Variants in CAMTA1 observed in about 807,000 individuals in gnomAD.
CAMTA1 encodes the protein calmodulin binding transcription activator 1, also known as calmodulin-binding transcription activator 1.
Under a neutral mutation model 170.9 loss-of-function variants are expected in CAMTA1, and 27 were observed. That is an observed-to-expected ratio of 0.16 (90% CI 0.12 to 0.22). The LOEUF (loss-of-function observed/expected upper bound fraction) is 0.22. Among genes scored for constraint, CAMTA1 ranks in the 10% least tolerant of loss-of-function variants. The probability of loss-of-function intolerance (pLI) is 1.00; values close to 1 mark genes in which losing one functional copy is unlikely to be tolerated. For missense variants in CAMTA1, 1,619 were observed against 2,217.2 expected (o/e 0.73, Z 5.42); for synonymous variants, 833 against 891.5 (o/e 0.93, Z 1.17).
In CAMTA1 at chr1:7,455,520, C is replaced by T. The variant is rs2092929339; in HGVS notation, c.439-12310C>T. On this transcript the variant is annotated intron_variant, in intron 5 of 22. Transcript: ENST00000303635. The surrounding 1 kb of genome is among the most constrained non-coding windows in gnomAD (Gnocchi z 5.0). ...CAGCTCAGCCTTGCATTAACATAGCCACAGACCGGCCCGGCGTTTCCCTCC... is the reference window on the plus strand; with the variant it reads ...CAGCTCAGCCTTGCATTAACATAGCTACAGACCGGCCCGGCGTTTCCCTCC... Among the ~76,000 whole-genome samples, 1 of 152,214 alleles carries T rather than the reference C, an allele frequency of 6.6e-6. No homozygotes were observed. The highest frequency in any genetic ancestry group is 1.5e-5 in the Non-Finnish European group (1 of 68,042).
intron 5 of CAMTA1, among the ~76,000 whole-genome samples, chr1:7,345,429 T>C (rs1034841462): frequency 2.0e-5 from 3 of 152,256 alleles, no homozygotes; most frequent in Non-Finnish European, 4.4e-5. Context: ...TAACCAGTGC[T>C]GCCAACTCCT....
At chr1:7,390,860 G>A (rs1282790331) in intron 5 of CAMTA1, among the ~76,000 whole-genome samples, 1 of 152,228 alleles carries the variant, frequency 6.6e-6, no homozygotes, top group Non-Finnish European at 1.5e-5. Context: ...CTGGGGGCTG[G>A]ACTTGTTTAG....
At chr1:7,416,120 G>A (rs2091153262) in intron 5 of CAMTA1, among the ~76,000 whole-genome samples, 1 of 152,184 alleles carries the variant, frequency 6.6e-6, no homozygotes, top group South Asian at 2.1e-4. Flanking sequence ...AGTTTCTGCT[G>A]AGAGATCCGC....
At chr1:7,549,210 C>T (rs1181021560) in intron 6 of CAMTA1, among the ~76,000 whole-genome samples, 17 of 151,074 alleles carry the variant, frequency 1.1e-4, no homozygotes, top group Non-Finnish European at 2.2e-4. Context: ...GAGGGTGCCC[C>T]CTTAGGGGTG....
chr1:7,407,394 A>C (rs527510177), intron 5 of CAMTA1, among the ~76,000 whole-genome samples: 8 of 152,172 alleles, frequency 5.3e-5, no homozygotes, highest in African/African-American at 1.9e-4. Flanking sequence ...GTGTGACTGG[A>C]GGGTCTGGGA....
Position 7,663,790 on chromosome 1 carries a change from A to G in CAMTA1, c.1243A>G (p.Thr415Ala). The G allele has an allele frequency of 1.2e-6, 2 of 1,613,906 alleles. No individual in the cohort carries two copies. The highest frequency in any genetic ancestry group is 1.7e-6 in the Non-Finnish European group (2 of 1,179,982). The change falls in exon 9 of 23, where the codon ACC (threonine) becomes GCC (alanine). Residue 415 changes from threonine to alanine, a missense_variant. Coordinates refer to ENST00000303635, the MANE Select transcript of CAMTA1 (RefSeq NM_015215.4). ...TNEAVYTMSP[T>A]AGPNHHLLSP... ...TGAGGCCGTGTACACCATGTCCCCCACCGCTGGCCCCAACCACCACCTCCT... is the reference window on the plus strand; with the variant it reads ...TGAGGCCGTGTACACCATGTCCCCCGCCGCTGGCCCCAACCACCACCTCCT...
Position 7,766,756 on chromosome 1 carries a change from A to G in CAMTA1, c.*265A>G. On this transcript the variant is annotated 3_prime_UTR_variant, in exon 23 of 23. Transcript: ENST00000303635. ...TTGGAACTCAATCTTCTGTTGGATC[A>G]CGGGAAATCAAGACACCCAGGAGGA... The G allele has an allele frequency of 4.2e-6, 2 of 473,632 alleles. No homozygotes were observed. The highest frequency in any genetic ancestry group is 6.8e-5 in the South Asian group (2 of 29,614). 29.3% of individuals were successfully genotyped at this position (473,632 alleles called of 1,614,324 possible).
At chr1:6,801,626 A>G (rs1643855811) in intron 1 of CAMTA1, among the ~76,000 whole-genome samples, 1 of 152,238 alleles carries the variant, frequency 6.6e-6, no homozygotes, top group Non-Finnish European at 1.5e-5. Flanking sequence ...TGTATGCTCA[A>G]AAAGGGTTAA....
chr1:7,564,735 G>A (rs2095015390), intron 6 of CAMTA1, among the ~76,000 whole-genome samples: 1 of 152,130 alleles, frequency 6.6e-6, no homozygotes, highest in African/African-American at 2.4e-5. Context: ...TGAGGGCTCA[G>A]GGACTGGAAG....
intron 5 of CAMTA1, among the ~76,000 whole-genome samples, chr1:7,320,655 T>TG (rs561887979): frequency 0.23 from 32,717 of 144,308 alleles, 4,157 homozygotes; most frequent in Middle Eastern, 0.39. Flanking sequence ...GTGTGTTTTT[T>TG]TTTTTTTTTT....
chr1:7,124,666 C>T (rs769133171), intron 4 of CAMTA1, among the ~76,000 whole-genome samples: 2 of 152,208 alleles, frequency 1.3e-5, no homozygotes, highest in Admixed American at 6.5e-5. Flanking sequence ...CGTCAGGAAA[C>T]GTTAAGCAGA....
chr1:7,116,175 A>G (rs761351832), intron 4 of CAMTA1, among the ~76,000 whole-genome samples: 12 of 152,132 alleles, frequency 7.9e-5, no homozygotes, highest in Non-Finnish European at 1.2e-4. Context: ...CATGCCTTCA[A>G]CCACCATCTC....
chr1:7,193,282 T>A (rs1258225570), intron 4 of CAMTA1, among the ~76,000 whole-genome samples: 1 of 150,922 alleles, frequency 6.6e-6, no homozygotes, highest in East Asian at 2.0e-4. Flanking sequence ...GAACCAGGAG[T>A]TGGAGGCTGC....
intron 3 of CAMTA1, among the ~76,000 whole-genome samples, chr1:7,061,794 G>C (rs952427226): frequency 1.3e-5 from 2 of 152,186 alleles, no homozygotes; most frequent in African/African-American, 4.8e-5. Context: ...AGAGCAGGGG[G>C]TGGCGCTGGC....
At chr1:6,806,234 G>A (rs1644498301) in intron 1 of CAMTA1, among the ~76,000 whole-genome samples, 1 of 152,132 alleles carries the variant, frequency 6.6e-6, no homozygotes, top group Admixed American at 6.6e-5. Flanking sequence ...CTATCTTTGT[G>A]CCATTACCAC....
intron 4 of CAMTA1, among the ~76,000 whole-genome samples, chr1:7,105,279 T>G (rs1643460064): frequency 6.6e-6 from 1 of 152,262 alleles, no homozygotes. Flanking sequence ...AAATGAAGAT[T>G]GAAAACAATT....
chr1:7,489,436 G>T (rs1331475792), intron 6 of CAMTA1, among the ~76,000 whole-genome samples: 2 of 152,166 alleles, frequency 1.3e-5, no homozygotes, highest in Non-Finnish European at 2.9e-5. Context: ...TGTGCCATTG[G>T]CATGCAGGGC....
At position 6,887,861 on chromosome 1, in the gene CAMTA1, T is replaced by TA; in HGVS notation, c.234+62656dup. The TA allele has an allele frequency of 1.4e-6, 2 of 1,432,196 alleles. No individual in the cohort carries two copies. The highest frequency in any genetic ancestry group is 1.8e-6 in the Non-Finnish European group (2 of 1,095,360). 88.7% of individuals were successfully genotyped at this position (1,432,196 alleles called of 1,614,324 possible). A position where few individuals can be genotyped will look rare whatever the true frequency, so the allele number is the denominator to read the frequency against. ...CAAATTAATTTGAACCGAATGTTACTAAAAATGAAATAGAATAAAGTGACC... is the reference window on the plus strand; with the variant it reads ...CAAATTAATTTGAACCGAATGTTACTAAAAAATGAAATAGAATAAAGTGACC... On this transcript the variant is annotated intron_variant, in intron 3 of 22. Transcript: ENST00000303635. This position sits in a 1 kb window ranked among gnomAD's most constrained non-coding sequence, Gnocchi z 4.1.
intron 3 of CAMTA1, among the ~76,000 whole-genome samples, chr1:6,932,038 A>T (rs1219770066): frequency 6.6e-6 from 1 of 152,204 alleles, no homozygotes; most frequent in East Asian, 1.9e-4. Flanking sequence ...AGCTTTATTG[A>T]GGCATAATTG....
Sources: allele counts gnomAD v4.1 joint callset (sites outside exome capture counted in the v4.1 genomes callset), GRCh38; gene constraint gnomAD v4.1.1; non-coding constraint Gnocchi (gnomAD v3.1); transcripts MANE v1.5; gene names NCBI Gene and HGNC (gene_info 2026-07-23, HGNC 2026-07-21).